Variants in MED6 observed in about 807,000 individuals in gnomAD.
The protein encoded by MED6 is mediator complex subunit 6, also known as mediator of RNA polymerase II transcription subunit 6.
MED6 carries 33 observed loss-of-function variants against 37.5 expected under a neutral mutation model. That is an observed-to-expected ratio of 0.88 (90% CI 0.67 to 1.18). The LOEUF (loss-of-function observed/expected upper bound fraction) is 1.18. Among genes scored for constraint, MED6 ranks in the 50% most tolerant of loss-of-function variants. The pLI, the probability that MED6 is intolerant of heterozygous loss-of-function variation, is 0.00. For missense variants in MED6, 235 were observed against 290.6 expected (o/e 0.81, Z 1.39); for synonymous variants, 94 against 93.6 (o/e 1.00, Z -0.02).
At position 70,591,378 on chromosome 14, in the gene MED6, TTATC is replaced by T; in HGVS notation, c.467-1_469del. ...TTTCCTTTTGGCTTTAGGTCTGACT[TTATC>T]TATTAAAATACGAAGTCCAAATCAA... On this transcript the variant is annotated splice_acceptor_variant and coding_sequence_variant, in exon 6 of 8. Coordinates refer to ENST00000256379, the MANE Select transcript of MED6 (RefSeq NM_005466.4). LOFTEE classifies it high-confidence loss of function. The T allele has an allele frequency of 6.3e-7, 1 of 1,598,298 alleles. No homozygotes were observed. The highest frequency in any genetic ancestry group is 8.5e-7 in the Non-Finnish European group (1 of 1,175,260).
intron 3 of MED6, chr14:70,594,644 G>A (rs544021217): frequency 1.2e-5 from 5 of 430,574 alleles, no homozygotes; most frequent in African/African-American, 4.1e-5. Flanking sequence ...TCAGCAGCAC[G>A]GCCAGCGTCT....
At chr14:70,593,246 T>C (rs777055800) in intron 4 of MED6, 50 bp downstream of exon 4, 10 of 1,464,224 alleles carry the variant, frequency 6.8e-6, no homozygotes, top group South Asian at 1.1e-5. Flanking sequence ...GGAAGCAAGG[T>C]AGCTAATTAA....
chr14:70,593,315 G>A lies in MED6; in HGVS notation c.338C>T (p.Ser113Leu), dbSNP rs1454405542. 3.1e-6 allele frequency: 5 copies of A among 1,613,686 alleles called. No homozygotes were observed. Among genetic ancestry groups the A allele is most frequent in the Non-Finnish European group, 4.2e-6 (5 of 1,179,700 alleles). The part of the protein sequence containing the change: ...GVIYQAPDLG[S>L]VINSRVLTAV... ...ACTTACCACTCTAGAGTTTATAACT[G>A]ATCCCAAGTCTGGTGCCTGATAGAT... is the stretch of plus-strand genomic sequence containing the variant. The change falls in exon 4 of 8, where the codon TCA becomes TTA. Residue 113 changes from serine (S) to leucine (L), a missense_variant. By Grantham distance (145) the Ser-to-Leu change is moderately radical. Coordinates refer to ENST00000256379, the MANE Select transcript of MED6 (RefSeq NM_005466.4).
chr14:70,597,190 G>A (rs185121520), intron 2 of MED6, among the ~76,000 whole-genome samples: 2 of 152,196 alleles, frequency 1.3e-5, no homozygotes, highest in South Asian at 2.1e-4. Flanking sequence ...AGCTGTATTT[G>A]CCCCATAACA....
At position 70,593,212 on chromosome 14, in the gene MED6, C is replaced by T. The variant is rs907401822; in HGVS notation, c.357+84G>A. The T allele has an allele frequency of 2.1e-5, 28 of 1,325,196 alleles. No homozygotes were observed. In the Admixed American group the frequency reaches 4.6e-4, roughly 22 times the overall value. 82.1% of individuals were successfully genotyped at this position (1,325,196 alleles called of 1,614,324 possible). ...ATACTTTATAGCAACTTACACAAGG[C>T]AGAGGAGCTCTAGTTTGATTACTGG... On this transcript the variant is annotated intron_variant, in intron 4 of 7. Transcript: ENST00000256379.
At chr14:70,587,136 A>T (rs1044156907) in intron 6 of MED6, among the ~76,000 whole-genome samples, 1 of 152,214 alleles carries the variant, frequency 6.6e-6, no homozygotes, top group African/African-American at 2.4e-5. Context: ...CCTGGGCAGA[A>T]ATATCACACA....
rs1885049608 is a variant in MED6 at position 70,596,475 on chromosome 14, C to T, written c.274+136G>A. ...CATATGCTAAGTCTGGTGAGTCCTC[C>T]AGCATAGTACTGAACATGTATGTGG... is the stretch of plus-strand genomic sequence containing the variant. On this transcript the variant is annotated intron_variant, in intron 3 of 7. Coordinates refer to ENST00000256379, the MANE Select transcript of MED6 (RefSeq NM_005466.4). The T allele has an allele frequency of 6.7e-6, 4 of 599,784 alleles. No homozygotes were observed. The East Asian group carries it at 1.1e-4, about 17-fold the overall frequency. 37.2% of individuals were successfully genotyped at this position (599,784 alleles called of 1,614,324 possible).
chr14:70,590,250 G>A (rs1884829505), intron 6 of MED6, among the ~76,000 whole-genome samples: 1 of 152,150 alleles, frequency 6.6e-6, no homozygotes, highest in Non-Finnish European at 1.5e-5. Context: ...CAAATGAATG[G>A]TCAACTACAC....
At chr14:70,587,830 G>T (rs1321576115) in intron 6 of MED6, among the ~76,000 whole-genome samples, 1 of 152,146 alleles carries the variant, frequency 6.6e-6, no homozygotes, top group East Asian at 1.9e-4. Flanking sequence ...CTCATAAAAG[G>T]CTCCAAGGAC....
chr14:70,595,713 G>T, intron 3 of MED6: 1 of 760,918 alleles, frequency 1.3e-6, no homozygotes. Flanking sequence ...CTTCAATCTT[G>T]GTGACGCCCT....
chr14:70,594,930 A>G (rs1452174199), intron 3 of MED6: 2 of 610,500 alleles, frequency 3.3e-6, no homozygotes, highest in Non-Finnish European at 6.4e-6. Flanking sequence ...CCCAGGTCAG[A>G]GATTGGGGCC....
rs1884866588 is a variant in MED6 at position 70,591,397 on chromosome 14, G to A, written c.467-16C>T. On this transcript the variant is annotated splice_polypyrimidine_tract_variant and intron_variant, in intron 5 of 7. Coordinates refer to ENST00000256379, the MANE Select transcript of MED6 (RefSeq NM_005466.4). Reference sequence around the variant, plus strand: ...CTGACTTTATCTATTAAAATACGAAGTCCAAATCAAAACATTGCCTACTTA... The same window carrying A: ...CTGACTTTATCTATTAAAATACGAAATCCAAATCAAAACATTGCCTACTTA... 2 of 1,577,358 alleles carry A rather than the reference G, an allele frequency of 1.3e-6. No individual in the cohort carries two copies. Among genetic ancestry groups the A allele is most frequent in the Non-Finnish European group, 1.7e-6 (2 of 1,159,728 alleles).
At chr14:70,585,951 G>A (rs925112142) in intron 6 of MED6, among the ~76,000 whole-genome samples, 168 bp from the exon 7 acceptor site, 1 of 152,106 alleles carries the variant, frequency 6.6e-6, no homozygotes, top group African/African-American at 2.4e-5. Context: ...GTACTATAAA[G>A]TAAATTTATC....
rs1885175487 is a variant in MED6, at chr14:70,600,505, A to G, written c.22+111T>C. On this transcript the variant is annotated intron_variant, in intron 1 of 7. Transcript: ENST00000256379. ...CTTGGGTTGTCCACAAAAACCACTC[A>G]AAAAAGCTTGAGACTTCACACAAAG... 20 of 1,267,208 alleles carry G rather than the reference A, an allele frequency of 1.6e-5. No homozygotes were observed. In the South Asian group the frequency reaches 2.6e-4, roughly 17 times the overall value. The allele number at this position is 1,267,208 out of a possible 1,614,324, so 78.5% of individuals were successfully genotyped here.
At chr14:70,591,469 C>G in intron 5 of MED6, 88 bp from the exon 6 acceptor site, 2 of 986,740 alleles carry the variant, frequency 2.0e-6, no homozygotes, top group Non-Finnish European at 1.5e-6. Flanking sequence ...ATGAATATAC[C>G]CAAACTTCAT....
rs762097071 is a variant in MED6, at chr14:70,596,642, A to C, written c.243T>G (p.Ile81Met). 2.0e-5 allele frequency: 33 copies of C among 1,613,876 alleles called. No individual in the cohort carries two copies. The highest frequency in any genetic ancestry group is 2.6e-5 in the Non-Finnish European group (31 of 1,179,914). The change falls in exon 3 of 8, where the codon ATT becomes ATG. Residue 81 changes from isoleucine to methionine, a missense_variant. Ile to Met is a conservative substitution (Grantham distance 10). Transcript: ENST00000256379. ...CAGGGGACTGCCGCTGTTGCTTCCG[A>C]ATGATGAAAAGAATGGGCTCTTGAG... is the stretch of plus-strand genomic sequence containing the variant. ...LHAQEPILFI[I>M]RKQQRQSPAQ...
intron 4 of MED6, 151 bp from the exon 5 acceptor site, chr14:70,593,139 C>A: frequency 7.8e-7 from 1 of 1,285,808 alleles, no homozygotes; most frequent in Non-Finnish European, 1.1e-6. Context: ...ATACTTTGAG[C>A]ACCGACTTGG....
intron 6 of MED6, among the ~76,000 whole-genome samples, 162 bp from the exon 7 acceptor site, chr14:70,585,945 T>C (rs184674746): frequency 6.6e-6 from 1 of 152,230 alleles, no homozygotes; most frequent in Non-Finnish European, 1.5e-5. Flanking sequence ...ATGTATGTAC[T>C]ATAAAGTAAA....
intron 1 of MED6, among the ~76,000 whole-genome samples, chr14:70,599,235 T>C (rs958694432): frequency 2.0e-5 from 3 of 152,200 alleles, no homozygotes; most frequent in Non-Finnish European, 2.9e-5. Flanking sequence ...AGAAAAATTA[T>C]ATAAAGGTAA....
Sources: gnomAD v4.1 joint callset for allele counts (sites outside exome capture counted in the v4.1 genomes callset) on GRCh38, gnomAD v4.1.1 for gene constraint, MANE v1.5 for transcripts, NCBI Gene and HGNC (gene_info 2026-07-23, HGNC 2026-07-21) for gene names.